CDK12: variants seen among roughly 807,000 people sequenced by gnomAD.
CDK12 encodes cyclin-dependent kinase 12.
CDK12 carries 17 observed loss-of-function variants against 133.8 expected under a neutral mutation model. The observed-to-expected ratio is 0.13, with a 90% CI of 0.09 to 0.19. The LOEUF (loss-of-function observed/expected upper bound fraction) is 0.19. Ranked by LOEUF, CDK12 falls within the 10% of genes least tolerant of loss-of-function variation. The pLI, the probability that CDK12 is intolerant of heterozygous loss-of-function variation, is 1.00. For missense variants in CDK12, 1,508 were observed against 1,818.7 expected (o/e 0.83, Z 3.11); for synonymous variants, 694 against 683.6 (o/e 1.02, Z -0.24).
At chr17:39,498,883 CTT>C (rs1173489310) in intron 5 of CDK12, among the ~76,000 whole-genome samples, 2 of 58 alleles carry the variant, frequency 0.034, 1 homozygote, top group African/African-American at 0.12. Flanking sequence ...CTCTTTCTTT[CTT>C]TCTTTCTTTC....
intron 2 of CDK12, among the ~76,000 whole-genome samples, chr17:39,477,213 T>G (rs2050280985): frequency 6.6e-6 from 1 of 150,578 alleles, no homozygotes; most frequent in African/African-American, 2.4e-5. Flanking sequence ...TATTTTTGTT[T>G]TTGTTTTAGA....
intron 2 of CDK12, among the ~76,000 whole-genome samples, chr17:39,478,457 G>C (rs1442433647): frequency 6.6e-6 from 1 of 152,022 alleles, no homozygotes; most frequent in Non-Finnish European, 1.5e-5. Flanking sequence ...GCCTCCCATA[G>C]TGCTGGGATT....
At position 39,463,188 on chromosome 17, in the gene CDK12, C is replaced by T. The variant is rs2144916112; in HGVS notation, c.1046+71C>T. On this transcript the variant is annotated intron_variant, in intron 1 of 13. Transcript: ENST00000447079. The stretch of plus-strand genomic sequence containing the variant: ...GAGGAATTGGCATTCAGCGTGTTAA[C>T]ATTGTCTGGAAGCCCGCAGTGTTCA... The T allele has an allele frequency of 7.3e-6, 10 of 1,378,940 alleles. 1 individual carries two copies. In the South Asian group the frequency reaches 1.3e-4, roughly 18 times the overall value. 85.4% of individuals were successfully genotyped at this position (1,378,940 alleles called of 1,614,324 possible). A position where few individuals can be genotyped will look rare whatever the true frequency, so the allele number is the denominator to read the frequency against.
chr17:39,554,388 A>T (rs1437945277), intron 2 of CDK12, among the ~76,000 whole-genome samples: 2 of 152,128 alleles, frequency 1.3e-5, no homozygotes, highest in African/African-American at 4.8e-5. Flanking sequence ...AGAACCATAG[A>T]TCTTCAGAAG....
chr17:39,490,688 C>T lies in CDK12; in HGVS notation c.2063C>T (p.Pro688Leu). The T allele has an allele frequency of 3.1e-6, 5 of 1,613,426 alleles. No individual in the cohort carries two copies. The highest frequency in any genetic ancestry group is 4.2e-6 in the Non-Finnish European group (5 of 1,179,702). ...CTGTCTCCCCCAGACTCTCCAGAAC[C>T]AAAGGCAATCACACCACCTCAGCAA... ...GDLSPPDSPE[P>L]KAITPPQQPY... The change falls in exon 3 of 14, where the codon CCA becomes CTA. Residue 688 changes from proline (P) to leucine (L), a missense_variant. This residue lies in a region of CDK12 where 347 missense variants were observed against 330.8 expected (regional missense o/e 1.05). Transcript: ENST00000447079.
intron 2 of CDK12, among the ~76,000 whole-genome samples, chr17:39,479,812 A>G (rs1331416788): frequency 6.6e-6 from 1 of 151,878 alleles, no homozygotes; most frequent in Non-Finnish European, 1.5e-5. Flanking sequence ...TTTTTAGTAG[A>G]GACAGGGTCT....
intron 2 of CDK12, among the ~76,000 whole-genome samples, chr17:39,486,490 C>T (rs1401582494): frequency 6.6e-6 from 1 of 151,862 alleles, no homozygotes; most frequent in Non-Finnish European, 1.5e-5. Flanking sequence ...TGGTCTTGAA[C>T]TCCTGGGCTC....
At position 39,531,349 on chromosome 17, in the gene CDK12, T is replaced by G. The variant is rs778980287; in HGVS notation, c.*33T>G. On this transcript the variant is annotated 3_prime_UTR_variant, in exon 14 of 14. Transcript: ENST00000447079. Reference sequence around the variant, plus strand: ...ACTTCAGTGTCCTGAAAGATTCCTTTCCTATCCATCCTTCCATCCAGTTCT... The same window carrying G: ...ACTTCAGTGTCCTGAAAGATTCCTTGCCTATCCATCCTTCCATCCAGTTCT... 1.4e-6 allele frequency: 2 copies of G among 1,411,246 alleles called. No homozygotes were observed. The highest frequency in any genetic ancestry group is 2.9e-5 in the African/African-American group (2 of 68,906). The allele number at this position is 1,411,246 out of a possible 1,614,324, so 87.4% of individuals were successfully genotyped here.
chr17:39,562,085 G>A (rs1170428000), intron 3 of CDK12, among the ~76,000 whole-genome samples: 1 of 152,070 alleles, frequency 6.6e-6, no homozygotes, highest in Admixed American at 6.5e-5. Context: ...GATTACAGGC[G>A]CGCACCTCCA....
At chr17:39,541,609 C>CCCGCCTCAGT (rs2055421889) in intron 1 of CDK12, among the ~76,000 whole-genome samples, 1 of 152,044 alleles carries the variant, frequency 6.6e-6, no homozygotes, top group South Asian at 2.1e-4. Flanking sequence ...TCGTGATCAG[C>CCCGCCTCAGT]CTCCCAAAGT....
chr17:39,522,291 T>C (rs1253645687), intron 11 of CDK12, among the ~76,000 whole-genome samples: 1 of 152,008 alleles, frequency 6.6e-6, no homozygotes, highest in African/African-American at 2.4e-5. Context: ...TTCACCATAT[T>C]GGTGAGACTG....
chr17:39,466,001 A>T (rs1043551734), intron 1 of CDK12, among the ~76,000 whole-genome samples: 3 of 152,034 alleles, frequency 2.0e-5, no homozygotes, highest in East Asian at 1.9e-4. Context: ...AGCATATCTC[A>T]TGTTCTCTTA....
In CDK12 at chr17:39,470,899, G is replaced by C; in HGVS notation, c.1067G>C (p.Arg356Thr). The C allele has an allele frequency of 6.2e-7, 1 of 1,606,910 alleles. No individual in the cohort carries two copies. Among genetic ancestry groups the C allele is most frequent in the Non-Finnish European group, 8.5e-7 (1 of 1,177,968 alleles). The change falls in exon 2 of 14, where the codon AGA (arginine) becomes ACA (threonine). Residue 356 changes from arginine (R) to threonine (T), a missense_variant. By Grantham distance (71) the Arg-to-Thr change is moderately conservative. Around this residue, in one of 9 missense-constraint regions of CDK12, gnomAD observed 460 missense variants for 490.8 expected, o/e 0.94. Coordinates refer to ENST00000447079, the MANE Select transcript of CDK12 (RefSeq NM_016507.4). The part of the protein sequence containing the change: ...PLPSRKSMKS[R>T]SRSPAYSRHS... ...TCCAGTAGGAAATCCATGAAGTCCAGAAGTAGAAGTCCTGCATATTCAAGA... is the reference window on the plus strand; with the variant it reads ...TCCAGTAGGAAATCCATGAAGTCCACAAGTAGAAGTCCTGCATATTCAAGA...
At chr17:39,489,304 A>G (rs2051388917) in intron 2 of CDK12, among the ~76,000 whole-genome samples, 1 of 151,680 alleles carries the variant, frequency 6.6e-6, no homozygotes, top group South Asian at 2.1e-4. Context: ...TCCTGAGTTC[A>G]GGCAGTCTGC....
At chr17:39,501,096 A>G (rs757550411) in intron 5 of CDK12, among the ~76,000 whole-genome samples, 154 bp from the exon 6 acceptor site, 1 of 152,128 alleles carries the variant, frequency 6.6e-6, no homozygotes, top group South Asian at 2.1e-4. Context: ...TAATTATTCA[A>G]CTACTCTTCG....
Position 39,494,621 on chromosome 17 carries a change from C to A in CDK12, c.2346C>A (p.Ile782=). ...AAATCAAAATCCTTCGTCAGTTAAT[C>A]CACCGAAGTGTTGTTAACATGAAGG... ...IREIKILRQL[I]HRSVVNMKEI... The change falls in exon 5 of 14, where the codon ATC becomes ATA. Residue 782 remains isoleucine, a synonymous_variant. Transcript: ENST00000447079. 1 of 1,610,834 alleles carries A rather than the reference C, an allele frequency of 6.2e-7. No individual in the cohort carries two copies. Among genetic ancestry groups the A allele is most frequent in the Non-Finnish European group, 8.5e-7 (1 of 1,178,030 alleles).
At chr17:39,499,804 A>AT (rs1266886170) in intron 5 of CDK12, among the ~76,000 whole-genome samples, 1 of 152,072 alleles carries the variant, frequency 6.6e-6, no homozygotes, top group African/African-American at 2.4e-5. Flanking sequence ...ATGAGCCACC[A>AT]TGCCTGACCA....
intron 6 of CDK12, among the ~76,000 whole-genome samples, chr17:39,506,637 C>T (rs569620570): frequency 1.8e-4 from 28 of 152,070 alleles, no homozygotes; most frequent in African/African-American, 4.6e-4. Flanking sequence ...GCTAAGGCAA[C>T]GAGGAAGACA....
At chr17:39,521,960 C>A (rs2054201695) in intron 11 of CDK12, among the ~76,000 whole-genome samples, 1 of 152,016 alleles carries the variant, frequency 6.6e-6, no homozygotes, top group African/African-American at 2.4e-5. Flanking sequence ...CTCAGCCTTC[C>A]AAAGTCATGG....
Sources: allele counts gnomAD v4.1 joint callset (sites outside exome capture counted in the v4.1 genomes callset), GRCh38; gene constraint gnomAD v4.1.1; regional missense constraint gnomAD v4.1.1; transcripts MANE v1.5; gene names NCBI Gene and HGNC (gene_info 2026-07-23, HGNC 2026-07-21).